SCFD2: variants seen among roughly 807,000 people sequenced by gnomAD.
The protein encoded by SCFD2 is sec1 family domain-containing protein 2.
SCFD2 carries 54 observed loss-of-function variants against 58.9 expected under a neutral mutation model. That is an observed-to-expected ratio of 0.92 (90% confidence interval 0.74 to 1.15). SCFD2 has a LOEUF of 1.15. SCFD2 is among the 50% of genes most tolerant of loss of function. SCFD2 has a pLI of 0.00. For synonymous variants in SCFD2, 321 were observed against 335.9 expected (o/e 0.96, Z 0.49); for missense variants, 805 against 836.6 (o/e 0.96, Z 0.47).
At chr4:53,335,440 A>G (rs1733653562) in intron 2 of SCFD2, among the ~76,000 whole-genome samples, 1 of 152,150 alleles carries the variant, frequency 6.6e-6, no homozygotes, top group African/African-American at 2.4e-5. Flanking sequence ...TGTGCTTCTG[A>G]CTGACATCCT....
chr4:53,363,556 G>A (rs1217528470), intron 1 of SCFD2, among the ~76,000 whole-genome samples: 1 of 152,086 alleles, frequency 6.6e-6, no homozygotes, highest in East Asian at 1.9e-4. Context: ...TTTAAAAAAA[G>A]GGCGCGGTGG....
chr4:52,896,945 G>C lies in SCFD2; in HGVS notation c.1842+10512C>G, dbSNP rs548095771. Reference sequence around the variant, plus strand: ...CAATTGTGAATGGGAGTTCACTCATGATTTGGCTCTCTGTCTGTTATTGGT... The same window carrying C: ...CAATTGTGAATGGGAGTTCACTCATCATTTGGCTCTCTGTCTGTTATTGGT... On this transcript the variant is annotated intron_variant, in intron 7 of 8. Transcript: ENST00000401642. Among the ~76,000 whole-genome samples the C allele has an allele frequency of 3.9e-5, 6 of 152,304 alleles. No homozygotes were observed. In the East Asian group the frequency reaches 1.2e-3, roughly 29 times the overall value.
chr4:52,895,202 G>C (rs747020884), intron 7 of SCFD2, among the ~76,000 whole-genome samples: 1 of 151,964 alleles, frequency 6.6e-6, no homozygotes, highest in Non-Finnish European at 1.5e-5. Context: ...TTAAGTTTTA[G>C]GATACATGTG....
At chr4:53,308,541 T>G (rs1048264291) in intron 3 of SCFD2, among the ~76,000 whole-genome samples, 5 of 152,176 alleles carry the variant, frequency 3.3e-5, no homozygotes, top group African/African-American at 1.2e-4. Context: ...GAGATTTGCA[T>G]GCACACATGC....
intron 7 of SCFD2, among the ~76,000 whole-genome samples, chr4:52,900,938 G>A (rs1022952972): frequency 6.6e-5 from 10 of 152,230 alleles, no homozygotes; most frequent in African/African-American, 2.4e-4. Context: ...AGGACCCTCT[G>A]AGCCAGGTGT....
chr4:53,334,912 A>G (rs1733627504), intron 2 of SCFD2, among the ~76,000 whole-genome samples: 1 of 152,074 alleles, frequency 6.6e-6, no homozygotes, highest in African/African-American at 2.4e-5. Flanking sequence ...GATGCAATAA[A>G]CAGGCAGGGC....
At chr4:53,256,214 A>T (rs1329307608) in intron 4 of SCFD2, among the ~76,000 whole-genome samples, 1 of 144,950 alleles carries the variant, frequency 6.9e-6, no homozygotes, top group Admixed American at 6.9e-5. Context: ...CAGACAGGGC[A>T]GTTGCCAGGC....
At position 53,043,280 on chromosome 4, in the gene SCFD2, T is replaced by C. The variant is rs192366611; in HGVS notation, c.1561+102053A>G. Among the ~76,000 whole-genome samples, 6 of 152,226 alleles carry C rather than the reference T, an allele frequency of 3.9e-5. No individual in the cohort carries two copies. The East Asian group carries it at 1.2e-3, about 29-fold the overall frequency. On this transcript the variant is annotated intron_variant, in intron 5 of 8. Coordinates refer to ENST00000401642, the MANE Select transcript of SCFD2 (RefSeq NM_152540.4). Reference sequence around the variant, plus strand: ...TCAGTGACAAGTGAAAGAAAAGGGATGGCATTGAGCCAAAAGGAGGAAGAA... The same window carrying C: ...TCAGTGACAAGTGAAAGAAAAGGGACGGCATTGAGCCAAAAGGAGGAAGAA...
chr4:53,335,591 A>G (rs935130542), intron 2 of SCFD2, among the ~76,000 whole-genome samples: 6 of 152,356 alleles, frequency 3.9e-5, no homozygotes, highest in Admixed American at 3.3e-4. Context: ...TTTGAGAGAA[A>G]TAAATACTAA....
At chr4:53,346,142 T>C (rs1734052215) in intron 2 of SCFD2, among the ~76,000 whole-genome samples, 1 of 152,110 alleles carries the variant, frequency 6.6e-6, no homozygotes, top group Non-Finnish European at 1.5e-5. Context: ...AAGATATTTA[T>C]ACATGTTCAT....
chr4:53,035,073 TAG>T (rs1483176586), intron 5 of SCFD2, among the ~76,000 whole-genome samples: 1 of 152,094 alleles, frequency 6.6e-6, no homozygotes, highest in African/African-American at 2.4e-5. Context: ...GACTTCAAAC[TAG>T]ACTGCAAGGC....
intron 3 of SCFD2, among the ~76,000 whole-genome samples, chr4:53,304,099 TAATA>T (rs1021576087): frequency 4.2e-4 from 3 of 7,208 alleles, no homozygotes; most frequent in South Asian, 0.077. Flanking sequence ...ACTTAAATAA[TAATA>T]AAAAAAAAAA....
rs568625380 is a variant in SCFD2 at position 52,900,432 on chromosome 4, A to G, written c.1842+7025T>C. Among the ~76,000 whole-genome samples the G allele has an allele frequency of 2.1e-4, 32 of 152,298 alleles. No homozygotes were observed. In the South Asian group the frequency reaches 5.4e-3, roughly 26 times the overall value. ...GAGGTCCACTGTTTGCCTGGGTATG[A>G]GCAGCGGTGGCTGCAGAACAGTGGA... is the stretch of plus-strand genomic sequence containing the variant. On this transcript the variant is annotated intron_variant, in intron 7 of 8. Transcript: ENST00000401642.
chr4:53,055,208 C>A (rs1176253774), intron 5 of SCFD2, among the ~76,000 whole-genome samples: 9 of 152,136 alleles, frequency 5.9e-5, no homozygotes, highest in Admixed American at 5.9e-4. Flanking sequence ...TTTTATGTAT[C>A]AGGAAACTGA....
At chr4:52,886,414 A>G (rs1323750359) in intron 7 of SCFD2, among the ~76,000 whole-genome samples, 1 of 152,190 alleles carries the variant, frequency 6.6e-6, no homozygotes, top group East Asian at 1.9e-4. Context: ...TTCAATTGTC[A>G]GTGTGACCTC....
chr4:52,876,143 G>C (rs1057475743), intron 8 of SCFD2, among the ~76,000 whole-genome samples: 2 of 3,488 alleles, frequency 5.7e-4, no homozygotes, highest in Non-Finnish European at 9.1e-4. Flanking sequence ...CACACTGACT[G>C]GCCAGATGCC....
intron 4 of SCFD2, among the ~76,000 whole-genome samples, chr4:53,216,297 G>A (rs1030337153): frequency 6.6e-6 from 1 of 152,098 alleles, no homozygotes; most frequent in Non-Finnish European, 1.5e-5. Flanking sequence ...TGGTTCATAC[G>A]CTATTAATTA....
At chr4:53,130,739 C>T (rs993990202) in intron 5 of SCFD2, among the ~76,000 whole-genome samples, 7 of 152,100 alleles carry the variant, frequency 4.6e-5, no homozygotes, top group African/African-American at 1.7e-4. Flanking sequence ...TCGTGGGTTG[C>T]TATTCTAGAA....
chr4:52,909,210 T>A (rs1043095199), intron 6 of SCFD2, among the ~76,000 whole-genome samples: 2 of 152,222 alleles, frequency 1.3e-5, no homozygotes, highest in Non-Finnish European at 2.9e-5. Context: ...AGTCATTTAT[T>A]CTTTGCATAT....
Sources: allele counts gnomAD v4.1 joint callset (sites outside exome capture counted in the v4.1 genomes callset), GRCh38; gene constraint gnomAD v4.1.1; transcripts MANE v1.5; gene names NCBI Gene and HGNC (gene_info 2026-07-23, HGNC 2026-07-21).